CDHR2: variants seen among roughly 807,000 people sequenced by gnomAD.
CDHR2 encodes cadherin related family member 2, also known as cadherin-related family member 2.
A neutral mutation model predicts 138.6 loss-of-function variants in CDHR2; 104 were observed. That is an observed-to-expected ratio of 0.75 (90% confidence interval 0.64 to 0.88). CDHR2 has a LOEUF of 0.88. CDHR2 is among the 40% of genes least tolerant of loss of function. The pLI, the probability that CDHR2 is intolerant of heterozygous loss-of-function variation, is 0.00. For missense variants in CDHR2, 1,624 were observed against 1,727.6 expected (o/e 0.94, Z 1.06); for synonymous variants, 755 against 742.8 (o/e 1.02, Z -0.27).
chr5:176,592,217 GATGATGGTGATGATGACA>G (rs1446089750), intron 30 of CDHR2, among the ~76,000 whole-genome samples: 25 of 150,074 alleles, frequency 1.7e-4, no homozygotes, highest in African/African-American at 6.2e-4. Flanking sequence ...TGATGGTGGT[GATGATGGTGATGATGACA>G]ATGATGATGG....
chr5:176,548,999 C>G (rs1477958551), upstream of CDHR2, among the ~76,000 whole-genome samples: 2 of 152,162 alleles, frequency 1.3e-5, no homozygotes, highest in African/African-American at 4.8e-5. Flanking sequence ...GTCCACAGAT[C>G]CCCTGTCACT....
At chr5:176,573,913 G>A (rs1240377064) in intron 6 of CDHR2, among the ~76,000 whole-genome samples, 170 bp from the exon 7 acceptor site, 1 of 152,102 alleles carries the variant, frequency 6.6e-6, no homozygotes, top group Non-Finnish European at 1.5e-5. Flanking sequence ...GATCCTCTCT[G>A]CCGCCCCGCA....
intron 19 of CDHR2, among the ~76,000 whole-genome samples, chr5:176,585,461 C>T (rs923806618): frequency 3.9e-5 from 6 of 152,220 alleles, no homozygotes; most frequent in Non-Finnish European, 2.9e-5. Flanking sequence ...TTTTCCACTT[C>T]CACACAACCC....
rs1350017277 is a variant in CDHR2, at chr5:176,561,316, A to G, written c.-15-4022A>G. ...CACATACCACATTACACTCTGCTCT[A>G]TCTCATGGGTGTTCTGGATAAGCCA... On this transcript the variant is annotated intron_variant, in intron 1 of 31. Transcript: ENST00000261944. 5.9e-5 allele frequency among the ~76,000 whole-genome samples: 9 copies of G among 152,232 alleles called. No homozygotes were observed. The East Asian group carries it at 1.7e-3, about 29-fold the overall frequency.
chr5:176,591,110 C>A, intron 28 of CDHR2, 100 bp from the exon 29 acceptor site: 1 of 781,510 alleles, frequency 1.3e-6, no homozygotes, highest in Non-Finnish European at 2.2e-6. Flanking sequence ...AGAGCTAACA[C>A]TCACCTCCCG....
chr5:176,592,894 A>C, intron 31 of CDHR2, 114 bp downstream of exon 31: 1 of 907,114 alleles, frequency 1.1e-6, no homozygotes, highest in Non-Finnish European at 1.8e-6. Flanking sequence ...GCTTCTCTGC[A>C]CCAGGCCCCA....
At chr5:176,556,174 C>G (rs746998728) in intron 1 of CDHR2, among the ~76,000 whole-genome samples, 1 of 152,182 alleles carries the variant, frequency 6.6e-6, no homozygotes, top group Admixed American at 6.5e-5. Context: ...TAACAGTGCT[C>G]ACCTTATCAC....
chr5:176,569,424 C>T (rs894508865), intron 5 of CDHR2, among the ~76,000 whole-genome samples: 1 of 151,852 alleles, frequency 6.6e-6, no homozygotes, highest in African/African-American at 2.4e-5. Flanking sequence ...GCTGGGACTA[C>T]AGGCGCCAGC....
At chr5:176,551,908 G>A (rs1447850123) in intron 1 of CDHR2, among the ~76,000 whole-genome samples, 3 of 150,654 alleles carry the variant, frequency 2.0e-5, no homozygotes, top group East Asian at 1.9e-4. Flanking sequence ...TAGAGACGGC[G>A]TTTCACCATG....
rs925898363 is a variant in CDHR2 at position 176,564,353 on chromosome 5, C to A, written c.-15-985C>A. On this transcript the variant is annotated intron_variant, in intron 1 of 31. Transcript: ENST00000261944. The stretch of plus-strand genomic sequence containing the variant: ...GGCACCCACCACCATGCCCGGCTAA[C>A]GTTTTTTGTATTTTGTTAGAGACAG... Among the ~76,000 whole-genome samples, 3 of 152,238 alleles carry A rather than the reference C, an allele frequency of 2.0e-5. No homozygotes were observed. The South Asian group carries it at 6.2e-4, about 32-fold the overall frequency.
At chr5:176,551,510 A>C (rs1757704690) in intron 1 of CDHR2, among the ~76,000 whole-genome samples, 1 of 150,906 alleles carries the variant, frequency 6.6e-6, no homozygotes, top group South Asian at 2.1e-4. Flanking sequence ...TTATTTTTTG[A>C]GACAAGGTCT....
intron 21 of CDHR2, 30 bp from the exon 22 acceptor site, chr5:176,589,000 GC>G (rs1758763517): frequency 6.2e-7 from 1 of 1,609,786 alleles, no homozygotes; most frequent in Non-Finnish European, 8.5e-7. Flanking sequence ...GCCTGGCTGG[GC>G]CCCCAGATAT....
chr5:176,570,066 G>C (rs147040703), intron 5 of CDHR2, among the ~76,000 whole-genome samples: 4 of 152,162 alleles, frequency 2.6e-5, no homozygotes, highest in African/African-American at 9.6e-5. Flanking sequence ...ACTTCTCAGC[G>C]CTGAGGTACA....
At position 176,568,812 on chromosome 5, in the gene CDHR2, T is replaced by C. The variant is rs1416477717; in HGVS notation, c.259T>C (p.Tyr87His). The part of the protein sequence containing the change: ...GEVKLASALD[Y>H]ETLYTFKVTI... ...AGTGAAGCTGGCCAGCGCTCTGGACTACGAGGTAAAGAGCATCAGCCGGAG... is the reference window on the plus strand; with the variant it reads ...AGTGAAGCTGGCCAGCGCTCTGGACCACGAGGTAAAGAGCATCAGCCGGAG... Residue 87 changes from tyrosine to histidine, a missense_variant, in exon 4 of 32, where the codon TAC becomes CAC. By Grantham distance (83) the Tyr-to-His change is moderately conservative. Coordinates refer to ENST00000261944, the MANE Select transcript of CDHR2 (RefSeq NM_017675.6). The C allele has an allele frequency of 1.2e-6, 2 of 1,614,014 alleles. No individual in the cohort carries two copies. Among genetic ancestry groups the C allele is most frequent in the Admixed American group, 1.7e-5 (1 of 60,002 alleles).
rs202028243 is a variant in CDHR2, at chr5:176,584,423, C to T, written c.2142C>T (p.Gly714=). 1.2e-4 allele frequency: 194 copies of T among 1,597,272 alleles called. No individual in the cohort carries two copies. In the Admixed American group the frequency reaches 2.5e-3, roughly 21 times the overall value. Residue 714 remains glycine, a synonymous_variant, in exon 19 of 32, where the codon GGC becomes GGT. Transcript: ENST00000261944. ...VKEEDPGVLV[G]VVKAWDADQT... is the part of the protein sequence containing the mutation. The stretch of plus-strand genomic sequence containing the variant: ...CCTTGTCCACAGGAGTGCTAGTGGG[C>T]GTGGTGAAGGCCTGGGACGCGGACC...
rs767276440 is a variant in CDHR2 at position 176,575,514 on chromosome 5, G to A, written c.777G>A (p.Ser259=). 1.6e-5 allele frequency: 26 copies of A among 1,614,008 alleles called. 1 individual carries two copies. The South Asian group carries it at 1.8e-4, about 11-fold the overall frequency. Residue 259 remains serine, a synonymous_variant, in exon 10 of 32, where the codon TCG becomes TCA. Coordinates refer to ENST00000261944, the MANE Select transcript of CDHR2 (RefSeq NM_017675.6). ...SVAEDAAKGT[S]VLTVEAVDGD... ...ACCAGGCCCCATTCCAGGGAACCTC[G>A]GTGCTGACGGTGGAGGCTGTGGATG...
At chr5:176,581,844 G>C (rs960236291) in intron 17 of CDHR2, among the ~76,000 whole-genome samples, 2 of 152,202 alleles carry the variant, frequency 1.3e-5, no homozygotes, top group South Asian at 2.1e-4. Context: ...GACAGTATCA[G>C]TGAATATCAG....
intron 15 of CDHR2, 36 bp from the exon 16 acceptor site, chr5:176,578,329 G>A: frequency 6.3e-7 from 1 of 1,584,698 alleles, no homozygotes; most frequent in Non-Finnish European, 8.6e-7. Context: ...TGGGCATCCT[G>A]TGTCTCTATT....
upstream of CDHR2, among the ~76,000 whole-genome samples, chr5:176,548,705 T>C (rs1757639888): frequency 1.3e-5 from 2 of 152,040 alleles, no homozygotes; most frequent in Admixed American, 1.3e-4. Flanking sequence ...ATTGTGCCAC[T>C]TCACTCCAGC....
Sources: gnomAD v4.1 joint callset for allele counts (sites outside exome capture counted in the v4.1 genomes callset) on GRCh38, gnomAD v4.1.1 for gene constraint, MANE v1.5 for transcripts, NCBI Gene and HGNC (gene_info 2026-07-23, HGNC 2026-07-21) for gene names.